The following SRGAP1 variants were observed in gnomAD, a reference collection of about 807,000 sequenced individuals.
The protein encoded by SRGAP1 is SLIT-ROBO Rho GTPase activating protein 1, also known as SLIT-ROBO Rho GTPase-activating protein 1.
A neutral mutation model predicts 121.9 loss-of-function variants in SRGAP1; 43 were observed. That is an observed-to-expected ratio of 0.35 (90% CI 0.28 to 0.46). SRGAP1 has a LOEUF of 0.46. Among genes scored for constraint, SRGAP1 ranks in the 20% least tolerant of loss-of-function variants. The pLI is 1.00. For synonymous variants in SRGAP1, 447 were observed against 485.4 expected, an observed-to-expected ratio of 0.92 and a Z score of 1.04; for missense variants, 1,102 against 1,350.9, an observed-to-expected ratio of 0.82 and a Z score of 2.89.
At chr12:63,890,218 A>G (rs978236244) in intron 1 of SRGAP1, among the ~76,000 whole-genome samples, 8 of 152,198 alleles carry the variant, frequency 5.3e-5, no homozygotes, top group African/African-American at 1.9e-4. Context: ...TGTTTTTACC[A>G]GAAAAGCGTG....
chr12:64,119,770 C>CTT (rs997729181), intron 18 of SRGAP1, among the ~76,000 whole-genome samples: 84 of 107,438 alleles, frequency 7.8e-4, no homozygotes, highest in African/African-American at 1.7e-3. Flanking sequence ...TTATTTGTTT[C>CTT]TTTTTTTTTT....
chr12:64,146,543 T>C lies in SRGAP1; in HGVS notation c.*3871T>C, dbSNP rs1186446893. 2.0e-5 allele frequency: 3 copies of C among 152,192 alleles called. No individual in the cohort carries two copies. In the East Asian group the frequency reaches 5.8e-4, roughly 29 times the overall value. 9.4% of individuals were successfully genotyped at this position (152,192 alleles called of 1,614,324 possible). A position where few individuals can be genotyped will look rare whatever the true frequency, so the allele number is the denominator to read the frequency against. On this transcript the variant is annotated 3_prime_UTR_variant, in exon 22 of 22. Coordinates refer to ENST00000355086, the MANE Select transcript of SRGAP1 (RefSeq NM_020762.4). ...CAAAGTTAAAGAGCCTATGTGTCTCTTGAGGCGGGGGTTAGAGGATTCAAA... is the reference window on the plus strand; with the variant it reads ...CAAAGTTAAAGAGCCTATGTGTCTCCTGAGGCGGGGGTTAGAGGATTCAAA...
intron 6 of SRGAP1, among the ~76,000 whole-genome samples, chr12:64,057,635 A>G (rs2035368358): frequency 6.6e-6 from 1 of 152,162 alleles, no homozygotes; most frequent in East Asian, 1.9e-4. Flanking sequence ...TATACCCAAT[A>G]TCCATGGCTT....
intron 11 of SRGAP1, among the ~76,000 whole-genome samples, chr12:64,089,483 TC>T (rs1181468739): frequency 1.2e-4 from 19 of 152,206 alleles, no homozygotes; most frequent in African/African-American, 4.6e-4. Context: ...AACGTTGGCC[TC>T]CCCGTACCTG....
intron 1 of SRGAP1, among the ~76,000 whole-genome samples, chr12:63,912,133 T>G (rs1231515323): frequency 6.6e-6 from 1 of 152,174 alleles, no homozygotes; most frequent in East Asian, 1.9e-4. Flanking sequence ...ATGATACTAA[T>G]AACTCAGGGA....
At chr12:64,018,018 A>G (rs1013242986) in intron 4 of SRGAP1, among the ~76,000 whole-genome samples, 10 of 152,184 alleles carry the variant, frequency 6.6e-5, no homozygotes, top group African/African-American at 1.9e-4. Flanking sequence ...TTAAGAGAAT[A>G]AAATAACAAC....
intron 15 of SRGAP1, among the ~76,000 whole-genome samples, chr12:64,100,598 G>A (rs1288544794): frequency 2.0e-5 from 3 of 152,272 alleles, no homozygotes; most frequent in East Asian, 3.9e-4. Flanking sequence ...TAAATGTTGA[G>A]TAGTCTGCCC....
At chr12:64,125,792 T>C (rs2036677867) in intron 18 of SRGAP1, among the ~76,000 whole-genome samples, 185 bp from the exon 19 acceptor site, 1 of 152,150 alleles carries the variant, frequency 6.6e-6, no homozygotes, top group Non-Finnish European at 1.5e-5. Context: ...AGCAAGATAA[T>C]GTTTTTCTGT....
chr12:63,871,568 C>T (rs551367301), intron 1 of SRGAP1, among the ~76,000 whole-genome samples: 137 of 152,172 alleles, frequency 9.0e-4, no homozygotes, highest in Non-Finnish European at 1.8e-3. Flanking sequence ...TCTAGAACAA[C>T]CAAAGTGCAG....
At chr12:63,910,136 G>T (rs1170732720) in intron 1 of SRGAP1, among the ~76,000 whole-genome samples, 2 of 152,044 alleles carry the variant, frequency 1.3e-5, no homozygotes, top group Non-Finnish European at 2.9e-5. Context: ...TTTACTCCAG[G>T]GGATCAAATG....
chr12:64,065,973 A>G (rs1485246532), intron 8 of SRGAP1, among the ~76,000 whole-genome samples: 1 of 152,250 alleles, frequency 6.6e-6, no homozygotes. Context: ...TCAGCTGCCT[A>G]TTTCTGAAAT....
chr12:64,068,470 G>T (rs1427378037), intron 8 of SRGAP1, among the ~76,000 whole-genome samples: 3 of 150,782 alleles, frequency 2.0e-5, no homozygotes, highest in African/African-American at 7.3e-5. Flanking sequence ...GAGTAGCTGG[G>T]ACTACAAGTG....
At chr12:64,053,904 A>T (rs982562405) in intron 6 of SRGAP1, among the ~76,000 whole-genome samples, 6 of 152,192 alleles carry the variant, frequency 3.9e-5, no homozygotes, top group African/African-American at 1.4e-4. Context: ...GAATTAGAGT[A>T]CAAGTCTTAA....
intron 18 of SRGAP1, among the ~76,000 whole-genome samples, chr12:64,120,132 AT>A (rs1355072775): frequency 6.6e-6 from 1 of 152,024 alleles, no homozygotes; most frequent in East Asian, 1.9e-4. Context: ...CTGCTTGATC[AT>A]TTTTTATAGT....
At chr12:63,989,015 T>G (rs1409528770) in intron 2 of SRGAP1, among the ~76,000 whole-genome samples, 1 of 152,074 alleles carries the variant, frequency 6.6e-6, no homozygotes, top group Non-Finnish European at 1.5e-5. Context: ...TTCGCCATGT[T>G]GCCCAGGCTG....
chr12:63,851,563 C>T (rs1899073913), intron 1 of SRGAP1, among the ~76,000 whole-genome samples: 1 of 151,258 alleles, frequency 6.6e-6, no homozygotes, highest in Non-Finnish European at 1.5e-5. Flanking sequence ...TAGTACTTAC[C>T]TTGTTGTCTT....
rs1036979088 is a variant in SRGAP1 at position 64,011,375 on chromosome 12, C to G, written c.427-5575C>G. 2.6e-5 allele frequency among the ~76,000 whole-genome samples: 4 copies of G among 152,126 alleles called. No homozygotes were observed. The East Asian group carries it at 7.7e-4, about 29-fold the overall frequency. On this transcript the variant is annotated intron_variant, in intron 3 of 21. Coordinates refer to ENST00000355086, the MANE Select transcript of SRGAP1 (RefSeq NM_020762.4). Reference sequence around the variant, plus strand: ...CCAGTCTTAGAGGAACCCTAGATTTCTGACTTGAGTGACATTGTTGTCCTA... The same window carrying G: ...CCAGTCTTAGAGGAACCCTAGATTTGTGACTTGAGTGACATTGTTGTCCTA...
rs867805730 is a variant in SRGAP1 at position 64,151,633 on chromosome 12, G to A, written c.*8961G>A. 7 of 152,220 alleles carry A rather than the reference G, an allele frequency of 4.6e-5. 1 individual carries two copies. The South Asian group carries it at 1.0e-3, about 23-fold the overall frequency. The allele number at this position is 152,220 out of a possible 1,614,324, so 9.4% of individuals were successfully genotyped here. On this transcript the variant is annotated 3_prime_UTR_variant, in exon 22 of 22. Transcript: ENST00000355086. ...CTGCCAGTAATGCATAACAGTACAC[G>A]AGTATAAAACATGGTCATGTTTCTT...
intron 8 of SRGAP1, among the ~76,000 whole-genome samples, chr12:64,069,819 C>A (rs959844367): frequency 6.6e-6 from 1 of 152,058 alleles, no homozygotes; most frequent in African/African-American, 2.4e-5. Context: ...GACAGTGTCT[C>A]TACAAATAAC....
Sources: allele counts gnomAD v4.1 joint callset (sites outside exome capture counted in the v4.1 genomes callset), GRCh38; gene constraint gnomAD v4.1.1; transcripts MANE v1.5; gene names NCBI Gene and HGNC (gene_info 2026-07-23, HGNC 2026-07-21).